ZFHX4: variants seen among roughly 807,000 people sequenced by gnomAD.
ZFHX4 encodes zinc finger homeobox protein 4.
In ZFHX4, 56 loss-of-function variants were observed where a neutral mutation model predicts 267.6. That is an observed-to-expected ratio of 0.21 (90% confidence interval 0.17 to 0.26). The LOEUF (loss-of-function observed/expected upper bound fraction) is 0.26. Among genes scored for constraint, ZFHX4 ranks in the 10% least tolerant of loss-of-function variants. ZFHX4 has a pLI of 1.00. For synonymous variants in ZFHX4, 1,778 were observed against 1,665.6 expected, an observed-to-expected ratio of 1.07 and a Z score of -1.64; for missense variants, 4,332 against 4,420.0, an observed-to-expected ratio of 0.98 and a Z score of 0.56.
intron 3 of ZFHX4, among the ~76,000 whole-genome samples, chr8:76,760,211 C>T (rs1809873296): frequency 1.3e-5 from 2 of 152,104 alleles, no homozygotes; most frequent in South Asian, 4.1e-4. Flanking sequence ...ATGTACCTAC[C>T]ATTCCACACA....
At chr8:76,731,805 A>G (rs974147779) in intron 3 of ZFHX4, among the ~76,000 whole-genome samples, 25 of 151,248 alleles carry the variant, frequency 1.7e-4, no homozygotes, top group African/African-American at 5.8e-4. Flanking sequence ...CATCTTTATA[A>G]TGCGATATGA....
chr8:76,808,521 A>C (rs1658798475), intron 4 of ZFHX4, among the ~76,000 whole-genome samples: 1 of 152,306 alleles, frequency 6.6e-6, no homozygotes. Context: ...CAAATGACTG[A>C]ATCGATAGGA....
chr8:76,775,106 A>G (rs1810369642), intron 3 of ZFHX4, among the ~76,000 whole-genome samples: 1 of 152,214 alleles, frequency 6.6e-6, no homozygotes, highest in Non-Finnish European at 1.5e-5. Context: ...ATGAAAAAGT[A>G]TGTTGAATAG....
At chr8:76,829,981 T>G (rs1274543497) in intron 4 of ZFHX4, among the ~76,000 whole-genome samples, 1 of 152,142 alleles carries the variant, frequency 6.6e-6, no homozygotes, top group Non-Finnish European at 1.5e-5. Flanking sequence ...GGAAAGCTAC[T>G]TTCCTTTGAA....
At chr8:76,845,541 G>A (rs1812342619) in intron 6 of ZFHX4, among the ~76,000 whole-genome samples, 1 of 151,844 alleles carries the variant, frequency 6.6e-6, no homozygotes, top group Admixed American at 6.6e-5. Flanking sequence ...ATTTGGAGTT[G>A]AATAACATCT....
chr8:76,805,103 C>CAAGG (rs768625784), intron 4 of ZFHX4, among the ~76,000 whole-genome samples: 18 of 152,052 alleles, frequency 1.2e-4, no homozygotes, highest in Non-Finnish European at 1.8e-4. Context: ...CAGTGGCATA[C>CAAGG]AAGGGTAAGA....
chr8:76,778,181 T>C lies in ZFHX4; in HGVS notation c.3094-27T>C, dbSNP rs139700753. The C allele has an allele frequency of 8.3e-4, 1,228 of 1,487,848 alleles. 6 individuals are homozygous for C. In the African/African-American group the frequency reaches 0.014, roughly 16 times the overall value. 92.2% of individuals were successfully genotyped at this position (1,487,848 alleles called of 1,614,324 possible). A position where few individuals can be genotyped will look rare whatever the true frequency, so the allele number is the denominator to read the frequency against. ...TATCCACCATGGAGCTAGACCATTG[T>C]TCTAATGAGCCTTCCCTTCCTTTCA... On this transcript the variant is annotated intron_variant, in intron 3 of 10. Transcript: ENST00000651372.
chr8:76,814,591 A>T (rs1158950318), intron 4 of ZFHX4, among the ~76,000 whole-genome samples: 2 of 152,212 alleles, frequency 1.3e-5, no homozygotes, highest in Non-Finnish European at 1.5e-5. Flanking sequence ...TGCTGAAATT[A>T]GAAAAATATA....
chr8:76,850,824 A>G, intron 9 of ZFHX4, 62 bp from the exon 10 acceptor site: 2 of 1,404,956 alleles, frequency 1.4e-6, no homozygotes, highest in East Asian at 2.5e-5. Context: ...TATAATATTA[A>G]TTAATATTTA....
chr8:76,795,584 T>C (rs867323968), intron 4 of ZFHX4, among the ~76,000 whole-genome samples: 6 of 150,794 alleles, frequency 4.0e-5, no homozygotes, highest in Middle Eastern at 3.4e-3. Context: ...TTCGCTCTTA[T>C]TGCCCAGGCT....
At chr8:76,759,641 G>T (rs6472983) in intron 3 of ZFHX4, among the ~76,000 whole-genome samples, 45,232 of 152,026 alleles carry the variant, frequency 0.3, 9,606 homozygotes, top group African/African-American at 0.59. Flanking sequence ...GCTAAGTTTA[G>T]GTTTGGAAAT....
At position 76,689,440 on chromosome 8, in the gene ZFHX4, T is replaced by C. The variant is rs535957268; in HGVS notation, c.-47+7820T>C. On this transcript the variant is annotated intron_variant, in intron 1 of 10. Coordinates refer to ENST00000651372, the MANE Select transcript of ZFHX4 (RefSeq NM_024721.5). Reference sequence around the variant, plus strand: ...ACAGAAAGCAGAATATGTGTTTATATGTGAACAGATGGACACATGTGAGAA... The same window carrying C: ...ACAGAAAGCAGAATATGTGTTTATACGTGAACAGATGGACACATGTGAGAA... 1.1e-4 allele frequency among the ~76,000 whole-genome samples: 17 copies of C among 152,268 alleles called. No individual in the cohort carries two copies. The South Asian group carries it at 3.5e-3, about 32-fold the overall frequency.
At position 76,853,908 on chromosome 8, in the gene ZFHX4, G is replaced by C. The variant is rs748940445; in HGVS notation, c.6987G>C (p.Thr2329=). ...VVFPRIFDLI[T]HQKKQCYKDE... is the part of the protein sequence containing the mutation. ...TCCCCAGGATCTTTGACTTGATTAC[G>C]CATCAGAAAAAGCAGTGTTACAAGG... Residue 2329 remains threonine (T), a synonymous_variant, in exon 10 of 11, where the codon ACG becomes ACC. Transcript: ENST00000651372. 2 of 1,613,856 alleles carry C rather than the reference G, an allele frequency of 1.2e-6. No individual in the cohort carries two copies. The highest frequency in any genetic ancestry group is 2.2e-5 in the East Asian group (1 of 44,860).
intron 4 of ZFHX4, among the ~76,000 whole-genome samples, chr8:76,789,916 CTA>C (rs2131803147): frequency 6.6e-6 from 1 of 152,212 alleles, no homozygotes; most frequent in South Asian, 2.1e-4. Flanking sequence ...CTGTAAATAA[CTA>C]TTTGGATTTC....
intron 3 of ZFHX4, among the ~76,000 whole-genome samples, chr8:76,745,238 C>A (rs1197171629): frequency 6.6e-6 from 1 of 152,144 alleles, no homozygotes; most frequent in East Asian, 1.9e-4. Context: ...ACCCTCCCTC[C>A]TTGAAAACAC....
At chr8:76,702,328 TCTATG>T (rs1249402063) in intron 1 of ZFHX4, among the ~76,000 whole-genome samples, 1 of 152,214 alleles carries the variant, frequency 6.6e-6, no homozygotes, top group East Asian at 1.9e-4. Context: ...TCATTTTCAA[TCTATG>T]CAGATCTTTT....
intron 3 of ZFHX4, among the ~76,000 whole-genome samples, chr8:76,771,908 A>C (rs1476388627): frequency 6.6e-6 from 1 of 152,166 alleles, no homozygotes; most frequent in Non-Finnish European, 1.5e-5. Context: ...ATGACTTCCA[A>C]ATTTCTGGAA....
Position 76,704,248 on chromosome 8 carries a change from G to C in ZFHX4, c.160G>C (p.Asp54His). ...CTCCACAGATGACAACCTGAAAACG[G>C]ATGAGCGCAAAAGTGAAGCCTTGCT... Reference protein sequence around the residue: ...NSSTDDNLKTDERKSEALLGF... With the variant: ...NSSTDDNLKTHERKSEALLGF... Residue 54 changes from aspartate to histidine, a missense_variant, in exon 2 of 11, where the codon GAT becomes CAT. Asp to His is a moderately conservative substitution (Grantham distance 81). This residue lies in a region of ZFHX4 where 1,195 missense variants were observed against 1,173.6 expected (regional missense o/e 1.02). Coordinates refer to ENST00000651372, the MANE Select transcript of ZFHX4 (RefSeq NM_024721.5). The C allele has an allele frequency of 6.2e-7, 1 of 1,614,042 alleles. No individual in the cohort carries two copies. Among genetic ancestry groups the C allele is most frequent in the Non-Finnish European group, 8.5e-7 (1 of 1,179,892 alleles).
intron 4 of ZFHX4, among the ~76,000 whole-genome samples, chr8:76,789,110 G>A (rs1810769297): frequency 6.6e-6 from 1 of 152,148 alleles, no homozygotes; most frequent in South Asian, 2.1e-4. Context: ...GCTCATGTAA[G>A]ACTAAACTGA....
Sources: allele counts gnomAD v4.1 joint callset (sites outside exome capture counted in the v4.1 genomes callset), GRCh38; gene constraint gnomAD v4.1.1; regional missense constraint gnomAD v4.1.1; transcripts MANE v1.5; gene names NCBI Gene and HGNC (gene_info 2026-07-23, HGNC 2026-07-21).